PTPRF: variants seen among roughly 807,000 people sequenced by gnomAD.
PTPRF encodes the protein protein tyrosine phosphatase receptor type F.
Under a neutral mutation model 201.8 loss-of-function variants are expected in PTPRF, and 59 were observed. The ratio of observed to expected loss-of-function variants is 0.29; its 90% CI spans 0.24 to 0.36. PTPRF has a LOEUF of 0.36. Ranked by LOEUF, PTPRF falls within the 10% of genes least tolerant of loss-of-function variation. The probability of loss-of-function intolerance (pLI) is 1.00; values close to 1 mark genes in which losing one functional copy is unlikely to be tolerated. For missense variants in PTPRF, 2,132 were observed against 2,690.5 expected (o/e 0.79, Z 4.59); for synonymous variants, 1,088 against 1,089.7 (o/e 1.00, Z 0.03).
chr1:43,620,924 C>T lies in PTPRF; in HGVS notation c.5451C>T (p.Asp1817=). ...CCAAGACAGGCGAGGGATTCATTGA[C>T]TTCATCGGGCAGGTGCATAAGACCA... ...GVPKTGEGFI[D]FIGQVHKTKE... The change falls in exon 32 of 34, where the codon GAC becomes GAT. Residue 1817 remains aspartate, a synonymous_variant. Transcript: ENST00000359947. 6.2e-7 allele frequency: 1 copy of T among 1,614,210 alleles called. No homozygotes were observed. The highest frequency in any genetic ancestry group is 8.5e-7 in the Non-Finnish European group (1 of 1,180,018).
At chr1:43,528,766 T>G (rs184632085), upstream of PTPRF, 20 of 152,238 alleles carry the variant, frequency 1.3e-4, no homozygotes, top group Admixed American at 1.1e-3. Flanking sequence ...GGTAAGCAGA[T>G]CTGGGGTGGG....
intron 2 of PTPRF, among the ~76,000 whole-genome samples, chr1:43,539,109 G>C (rs1383635147): frequency 6.6e-6 from 1 of 152,202 alleles, no homozygotes; most frequent in Non-Finnish European, 1.5e-5. Context: ...TGTGCTGAAA[G>C]GTGGCACTGG....
chr1:43,621,088 T>C lies in PTPRF; in HGVS notation c.5520-9T>C, dbSNP rs1356404141. 7 of 1,613,490 alleles carry C rather than the reference T, an allele frequency of 4.3e-6. No individual in the cohort carries two copies. The highest frequency in any genetic ancestry group is 3.3e-5 in the Admixed American group (2 of 59,986). On this transcript the variant is annotated splice_polypyrimidine_tract_variant and intron_variant, in intron 32 of 33. Coordinates refer to ENST00000359947, the MANE Select transcript of PTPRF (RefSeq NM_002840.5). ...GCAGGACTCCTGACCCAACTGTGTT[T>C]CTGAGCAGTGCTGGCGTGGGCCGCA...
Position 43,603,908 on chromosome 1 carries a change from C to G in PTPRF, c.2756C>G (p.Pro919Arg). The change falls in exon 16 of 34, where the codon CCC becomes CGC. Residue 919 changes from proline (P) to arginine (R), a missense_variant. Pro to Arg is a moderately radical substitution (Grantham distance 103, BLOSUM62 -2). Around this residue, in one of 6 missense-constraint regions of PTPRF, gnomAD observed 818 missense variants for 915.3 expected, o/e 0.89. Transcript: ENST00000359947. This position sits in a 1 kb window ranked among gnomAD's most constrained non-coding sequence, Gnocchi z 5.8. ...RTPEDLPSGF[P>R]QNLHVTGLTT... ...CCCGAGGACCTGCCCAGCGGCTTCC[C>G]CCAAAACCTGCATGTGACAGGACTG... The G allele has an allele frequency of 6.2e-7, 1 of 1,614,098 alleles. No individual in the cohort carries two copies. Among genetic ancestry groups the G allele is most frequent in the Non-Finnish European group, 8.5e-7 (1 of 1,180,042 alleles).
At chr1:43,540,056 G>T (rs1644266595) in intron 2 of PTPRF, among the ~76,000 whole-genome samples, 1 of 152,184 alleles carries the variant, frequency 6.6e-6, no homozygotes, top group Admixed American at 6.5e-5. Context: ...TGTTGTCTGT[G>T]TTGGGGTTTC....
chr1:43,595,300 C>G (rs1651974458), intron 11 of PTPRF, among the ~76,000 whole-genome samples: 1 of 152,112 alleles, frequency 6.6e-6, no homozygotes, highest in African/African-American at 2.4e-5. Flanking sequence ...AACCTCCGTC[C>G]ACCTCCTGGG....
At position 43,592,079 on chromosome 1, in the gene PTPRF, G is replaced by A. The variant is rs967665708; in HGVS notation, c.1668+131G>A. 3 of 1,296,020 alleles carry A rather than the reference G, an allele frequency of 2.3e-6. No individual in the cohort carries two copies. The East Asian group carries it at 7.2e-5, about 31-fold the overall frequency. The allele number at this position is 1,296,020 out of a possible 1,614,324, so 80.3% of individuals were successfully genotyped here. A position where few individuals can be genotyped will look rare whatever the true frequency, so the allele number is the denominator to read the frequency against. On this transcript the variant is annotated intron_variant, in intron 10 of 33. Coordinates refer to ENST00000359947, the MANE Select transcript of PTPRF (RefSeq NM_002840.5). ...ACAGCCTCTAAGGTTTCTGCTGGAG[G>A]CTTAGTGGTGCATGCGTGTCATGTG...
At position 43,569,784 on chromosome 1, in the gene PTPRF, C is replaced by G. The variant is rs1395104366; in HGVS notation, c.568+6C>G. ...CATCAAGCAGCTGCGTTCAGGTGAGCAGAGGGCAGGGGTCAAGGGGCCATG... is the reference window on the plus strand; with the variant it reads ...CATCAAGCAGCTGCGTTCAGGTGAGGAGAGGGCAGGGGTCAAGGGGCCATG... On this transcript the variant is annotated splice_donor_region_variant and intron_variant, in intron 6 of 33. Transcript: ENST00000359947. The G allele has an allele frequency of 1.0e-5, 16 of 1,604,098 alleles. No homozygotes were observed. The highest frequency in any genetic ancestry group is 1.4e-5 in the Non-Finnish European group (16 of 1,173,980).
At chr1:43,567,491 A>G (rs1221018245) in intron 5 of PTPRF, among the ~76,000 whole-genome samples, 1 of 152,216 alleles carries the variant, frequency 6.6e-6, no homozygotes, top group Non-Finnish European at 1.5e-5. Flanking sequence ...GTCCCAGGAA[A>G]GGCTGGGGCG....
rs548347367 is a variant in PTPRF, at chr1:43,561,896, C to T, written c.380-7694C>T. Among the ~76,000 whole-genome samples, 20 of 152,292 alleles carry T rather than the reference C, an allele frequency of 1.3e-4. No homozygotes were observed. In the East Asian group the frequency reaches 3.9e-3, roughly 29 times the overall value. On this transcript the variant is annotated intron_variant, in intron 5 of 33. Transcript: ENST00000359947. ...TGTTAGCCATGGACACTGGGCACTTCCCCTGTGCCCAGCCTGCCCCCCTGC... is the reference window on the plus strand; with the variant it reads ...TGTTAGCCATGGACACTGGGCACTTTCCCTGTGCCCAGCCTGCCCCCCTGC...
chr1:43,559,314 G>A lies in PTPRF; in HGVS notation c.379+5373G>A, dbSNP rs560877666. ...AGGCACTGCATGCTGTATGGGCTGTGTATGCAGCGCGCAGTGTTTGTGTGC... is the reference window on the plus strand; with the variant it reads ...AGGCACTGCATGCTGTATGGGCTGTATATGCAGCGCGCAGTGTTTGTGTGC... On this transcript the variant is annotated intron_variant, in intron 5 of 33. Transcript: ENST00000359947. Among the ~76,000 whole-genome samples the A allele has an allele frequency of 2.0e-5, 3 of 152,278 alleles. No individual in the cohort carries two copies. In the South Asian group the frequency reaches 6.2e-4, roughly 32 times the overall value.
chr1:43,549,042 G>A (rs549633152), intron 3 of PTPRF, among the ~76,000 whole-genome samples: 9 of 152,274 alleles, frequency 5.9e-5, no homozygotes, highest in African/African-American at 1.9e-4. Flanking sequence ...TTGGTGGCTC[G>A]AGAATGTTGC....
At chr1:43,525,232 A>T (rs1408189225), upstream of PTPRF, 1 of 152,656 alleles carries the variant, frequency 6.6e-6, no homozygotes, top group Non-Finnish European at 1.5e-5. Context: ...GAGACGGAGC[A>T]GTGATCGCGA....
In PTPRF at chr1:43,605,620, G is replaced by A. The variant is rs550783962; in HGVS notation, c.3481G>A (p.Glu1161Lys). Residue 1161 changes from glutamate (E) to lysine (K), a missense_variant and splice_region_variant, in exon 19 of 34, where the codon GAG becomes AAG. Transcript: ENST00000359947. ...WSTPEELELD[E>K]LLEAIEQGGE... The stretch of plus-strand genomic sequence containing the variant: ...CACACCCGAGGAACTGGAGCTGGAC[G>A]AGGTACCTGGGGAGGGGATGGGGAC... 25 of 1,614,020 alleles carry A rather than the reference G, an allele frequency of 1.5e-5. No homozygotes were observed. Among genetic ancestry groups the A allele is most frequent in the Middle Eastern group, 3.3e-4 (2 of 6,024 alleles).
At chr1:43,548,391 G>A (rs1644816378) in intron 3 of PTPRF, among the ~76,000 whole-genome samples, 1 of 152,032 alleles carries the variant, frequency 6.6e-6, no homozygotes, top group South Asian at 2.1e-4. Context: ...TGTGTCTGTT[G>A]TGTCATTTCC....
intron 1 of PTPRF, among the ~76,000 whole-genome samples, chr1:43,534,706 A>G (rs1008861705): frequency 2.6e-5 from 4 of 152,090 alleles, no homozygotes; most frequent in African/African-American, 9.7e-5. Context: ...GTGTGAGGGT[A>G]TGGGAGAGAA....
At chr1:43,564,486 G>A (rs544061716) in intron 5 of PTPRF, among the ~76,000 whole-genome samples, 63 of 152,310 alleles carry the variant, frequency 4.1e-4, no homozygotes, top group Non-Finnish European at 7.5e-4. Flanking sequence ...TGTGTGCACC[G>A]CCTCTGGATC....
intron 12 of PTPRF, chr1:43,598,491 T>G (rs1245174589): frequency 7.5e-6 from 4 of 533,620 alleles, no homozygotes; most frequent in Non-Finnish European, 1.3e-5. Flanking sequence ...CCCCACCAAG[T>G]GAGAGGCCTG....
upstream of PTPRF, among the ~76,000 whole-genome samples, chr1:43,523,137 C>T (rs993783025): frequency 6.6e-6 from 1 of 152,110 alleles, no homozygotes; most frequent in Non-Finnish European, 1.5e-5. Context: ...ACAGTGGGGC[C>T]ACTGACTCAG....
Sources: allele counts gnomAD v4.1 joint callset (sites outside exome capture counted in the v4.1 genomes callset), GRCh38; gene constraint gnomAD v4.1.1; regional missense constraint gnomAD v4.1.1; non-coding constraint Gnocchi (gnomAD v3.1); transcripts MANE v1.5; gene names NCBI Gene and HGNC (gene_info 2026-07-23, HGNC 2026-07-21).